KLF8: variants seen among roughly 807,000 people sequenced by gnomAD.
The protein encoded by KLF8 is KLF transcription factor 8, also known as Krueppel-like factor 8.
A neutral mutation model predicts 18.2 loss-of-function variants in KLF8; 10 were observed. The observed-to-expected ratio is 0.55, with a 90% CI of 0.34 to 0.93. The LOEUF (loss-of-function observed/expected upper bound fraction) is 0.93. KLF8 is among the 40% of genes least tolerant of loss of function. The probability of loss-of-function intolerance (pLI) is 0.02; values close to 1 mark genes in which losing one functional copy is unlikely to be tolerated. For missense variants in KLF8, 264 were observed against 277.9 expected (o/e 0.95, Z 0.36); for synonymous variants, 109 against 97.3 (o/e 1.12, Z -0.71).
chrX:56,182,631 C>T, the KLF8 span, among the ~76,000 whole-genome samples: 19 of 112,036 alleles, frequency 1.7e-4, no homozygotes, highest in Non-Finnish European at 3.0e-4. Flanking sequence ...ATCATGGTGA[C>T]CTAGAAATGG....
At chrX:55,988,644 C>T in the KLF8 span, among the ~76,000 whole-genome samples, 18 of 111,499 alleles carry the variant, frequency 1.6e-4, no homozygotes, top group African/African-American at 5.2e-4. Context: ...ATGATGCCTC[C>T]AGCTTTGTTC....
the KLF8 span, among the ~76,000 whole-genome samples, chrX:55,976,618 C>A: frequency 5.5e-5 from 6 of 109,126 alleles, no homozygotes; most frequent in African/African-American, 2.0e-4. Context: ...TTTGGCAGTT[C>A]GGCATGTTTT....
chrX:56,126,589 C>T, the KLF8 span, among the ~76,000 whole-genome samples: 1 of 110,601 alleles, frequency 9.0e-6, no homozygotes, highest in Admixed American at 9.7e-5. Context: ...TGATTTGGGT[C>T]CTGCTCCCTC....
Position 56,265,342 on chromosome X carries a change from C to A in KLF8, c.244C>A (p.Pro82Thr). 1 of 1,208,991 alleles carries A rather than the reference C, an allele frequency of 8.3e-7. No homozygotes were observed. Among genetic ancestry groups the A allele is most frequent in the South Asian group, 1.8e-5 (1 of 56,533 alleles). The change falls in exon 3 of 6, where the codon CCC becomes ACC. Residue 82 changes from proline (P) to threonine (T), a missense_variant. Coordinates refer to ENST00000468660, the MANE Select transcript of KLF8 (RefSeq NM_007250.5). ...ACTTTTGGCTAGTGATTTCAGCCTG[C>A]CCCAAGTGGAACCAGTTGACCTCTC... Reference protein sequence around the residue: ...EELLASDFSLPQVEPVDLSFH... With the variant: ...EELLASDFSLTQVEPVDLSFH...
chrX:55,918,242 T>C, the KLF8 span, among the ~76,000 whole-genome samples: 10 of 111,909 alleles, frequency 8.9e-5, no homozygotes, highest in East Asian at 8.4e-4. Flanking sequence ...AGGAACCCAG[T>C]GAATACTTGT....
chrX:56,185,665 T>C, the KLF8 span, among the ~76,000 whole-genome samples: 170 of 111,888 alleles, frequency 1.5e-3, no homozygotes, highest in African/African-American at 5.2e-3. Context: ...ATCAGACTAA[T>C]AGCGAATCTC....
chrX:56,178,978 G>T, the KLF8 span, among the ~76,000 whole-genome samples: 2 of 111,813 alleles, frequency 1.8e-5, no homozygotes, highest in South Asian at 3.7e-4. Context: ...CTCTTTTTTG[G>T]TTCCATATGA....
the KLF8 span, among the ~76,000 whole-genome samples, chrX:56,011,938 A>G: frequency 4.5e-5 from 5 of 111,574 alleles, no homozygotes; most frequent in African/African-American, 1.6e-4. Context: ...GACCAATAAC[A>G]AGTTCTGAAA....
chrX:56,208,538 T>C, the KLF8 span, among the ~76,000 whole-genome samples: 10 of 111,735 alleles, frequency 8.9e-5, no homozygotes. Context: ...GCTTTTCTAG[T>C]TATTTAAGAT....
chrX:56,022,551 C>CAAAAAAAAAAAAAAAAAAAAAAAAA, the KLF8 span, among the ~76,000 whole-genome samples: 3 of 27,310 alleles, frequency 1.1e-4, no homozygotes, highest in African/African-American at 3.0e-4. Context: ...TCTGTCTGAC[C>CAAAAAAAAAAAAAAAAAAAAAAAAA]AAAAAAAAAA....
At chrX:56,097,267 G>C in the KLF8 span, among the ~76,000 whole-genome samples, 1 of 110,379 alleles carries the variant, frequency 9.1e-6, no homozygotes. Flanking sequence ...AGAAGTCCCA[G>C]CTTTTTGGGA....
the KLF8 span, among the ~76,000 whole-genome samples, chrX:56,070,231 C>T: frequency 9.1e-6 from 1 of 110,133 alleles, no homozygotes; most frequent in African/African-American, 3.3e-5. Context: ...GCAAACATTA[C>T]ACACTGGGGC....
At chrX:56,066,339 G>T in the KLF8 span, among the ~76,000 whole-genome samples, 1 of 112,241 alleles carries the variant, frequency 8.9e-6, no homozygotes, top group Non-Finnish European at 1.9e-5. Context: ...CTCTGCAGGG[G>T]CATAGTTGGG....
chrX:56,190,398 C>G, the KLF8 span, among the ~76,000 whole-genome samples: 1 of 111,654 alleles, frequency 9.0e-6, no homozygotes, highest in African/African-American at 3.2e-5. Context: ...TCCTGTACCC[C>G]TTTTTCAGTA....
chrX:55,996,060 T>C, the KLF8 span, among the ~76,000 whole-genome samples: 1 of 112,163 alleles, frequency 8.9e-6, no homozygotes, highest in Non-Finnish European at 1.9e-5. Context: ...GTTCATACTT[T>C]TTAAAATTAT....
the KLF8 span, among the ~76,000 whole-genome samples, chrX:55,980,971 T>G: frequency 1.8e-5 from 2 of 112,106 alleles, no homozygotes; most frequent in East Asian, 5.6e-4. Flanking sequence ...GGCAGGTGAA[T>G]CACCTGAGAT....
the KLF8 span, among the ~76,000 whole-genome samples, chrX:56,072,819 C>G: frequency 1.8e-5 from 2 of 111,095 alleles, no homozygotes; most frequent in Admixed American, 1.9e-4. Context: ...TTTAATCATC[C>G]CAAGCAAAAT....
chrX:55,959,885 CA>C, the KLF8 span, among the ~76,000 whole-genome samples: 13 of 98,885 alleles, frequency 1.3e-4, no homozygotes, highest in South Asian at 9.1e-4. Flanking sequence ...TAGGAAAATG[CA>C]AAAAAAAAAA....
At chrX:56,260,462 T>A in intron 2 of KLF8, among the ~76,000 whole-genome samples, 1 of 112,131 alleles carries the variant, frequency 8.9e-6, no homozygotes, top group Non-Finnish European at 1.9e-5. Flanking sequence ...TTCTATAGTT[T>A]TGTGCTAGGT....
Sources: gnomAD v4.1 joint callset for allele counts (sites outside exome capture counted in the v4.1 genomes callset) on GRCh38, gnomAD v4.1.1 for gene constraint, MANE v1.5 for transcripts, NCBI Gene and HGNC (gene_info 2026-07-23, HGNC 2026-07-21) for gene names.